Variants in PKHD1 observed in about 807,000 individuals in gnomAD.
PKHD1 encodes the protein fibrocystin.
Under a neutral mutation model 412.0 loss-of-function variants are expected in PKHD1, and 291 were observed. That is an observed-to-expected ratio of 0.71 (90% CI 0.64 to 0.78). The LOEUF (loss-of-function observed/expected upper bound fraction) is 0.78. Among genes scored for constraint, PKHD1 ranks in the 30% least tolerant of loss-of-function variants. The probability of loss-of-function intolerance (pLI) is 0.00; values close to 1 mark genes in which losing one functional copy is unlikely to be tolerated. For missense variants in PKHD1, 4,825 were observed against 4,950.7 expected (o/e 0.97, Z 0.76); for synonymous variants, 1,777 against 1,821.5 (o/e 0.98, Z 0.62).
intron 14 of PKHD1, among the ~76,000 whole-genome samples, chr6:52,061,306 A>G (rs1808633320): frequency 6.6e-6 from 1 of 151,976 alleles, no homozygotes; most frequent in Non-Finnish European, 1.5e-5. Flanking sequence ...TCTCCACTTC[A>G]GCCTCTCAAG....
At chr6:51,624,916 T>G (rs1331233565) in intron 66 of PKHD1, among the ~76,000 whole-genome samples, 4 of 152,164 alleles carry the variant, frequency 2.6e-5, no homozygotes, top group Non-Finnish European at 5.9e-5. Flanking sequence ...CTCTCCTGAT[T>G]CTCCAACTGA....
intron 43 of PKHD1, among the ~76,000 whole-genome samples, chr6:51,895,571 A>AT (rs200997405): frequency 0.012 from 1,846 of 151,398 alleles, 20 homozygotes; most frequent in Non-Finnish European, 0.019. Context: ...TATTAAATAC[A>AT]TTTTTTTTTG....
At chr6:51,736,613 T>C (rs1783884153) in intron 60 of PKHD1, among the ~76,000 whole-genome samples, 1 of 152,194 alleles carries the variant, frequency 6.6e-6, no homozygotes, top group Non-Finnish European at 1.5e-5. Flanking sequence ...AAGAGCTATA[T>C]ACCAAGCTTC....
chr6:51,864,773 AT>A (rs918305140), intron 48 of PKHD1, among the ~76,000 whole-genome samples: 3 of 152,208 alleles, frequency 2.0e-5, no homozygotes, highest in African/African-American at 7.2e-5. Context: ...TAAACAAATT[AT>A]TGAGATATTT....
At chr6:51,904,393 G>A (rs1016990883) in intron 41 of PKHD1, among the ~76,000 whole-genome samples, 16 of 152,078 alleles carry the variant, frequency 1.1e-4, no homozygotes, top group Non-Finnish European at 2.4e-4. Context: ...CCTTCCCTTG[G>A]AAGATCTGAA....
At chr6:51,780,217 C>T (rs7454435) in intron 53 of PKHD1, among the ~76,000 whole-genome samples, 2 of 151,824 alleles carry the variant, frequency 1.3e-5, no homozygotes, top group Admixed American at 6.6e-5. Context: ...GAAACCTTGT[C>T]TCTACTAAAA....
At chr6:51,704,398 C>A (rs1034792906) in intron 60 of PKHD1, among the ~76,000 whole-genome samples, 12 of 152,054 alleles carry the variant, frequency 7.9e-5, no homozygotes, top group African/African-American at 2.4e-4. Context: ...GAAGCCAGTA[C>A]AAGTTTTATA....
chr6:51,908,240 G>C (rs747200055), intron 40 of PKHD1, among the ~76,000 whole-genome samples: 1 of 152,172 alleles, frequency 6.6e-6, no homozygotes, highest in Non-Finnish European at 1.5e-5. Context: ...TTAGCATGCA[G>C]ATAATTTGAA....
chr6:52,057,820 T>C (rs1004055418), intron 16 of PKHD1, among the ~76,000 whole-genome samples: 2 of 152,216 alleles, frequency 1.3e-5, no homozygotes, highest in African/African-American at 4.8e-5. Context: ...GAGTTCATAT[T>C]GATTTGTCTT....
intron 51 of PKHD1, among the ~76,000 whole-genome samples, chr6:51,832,174 C>G (rs1464816630): frequency 6.6e-6 from 1 of 152,110 alleles, no homozygotes; most frequent in Non-Finnish European, 1.5e-5. Flanking sequence ...GATAAAAACT[C>G]TACACAGGCA....
At chr6:51,846,963 C>T (rs947562279) in intron 50 of PKHD1, among the ~76,000 whole-genome samples, 3 of 151,820 alleles carry the variant, frequency 2.0e-5, no homozygotes, top group South Asian at 2.1e-4. Flanking sequence ...TTTTCTCTTT[C>T]TTTTTTTTAT....
At chr6:52,020,005 AATT>A (rs1801166795) in intron 33 of PKHD1, among the ~76,000 whole-genome samples, 1 of 152,192 alleles carries the variant, frequency 6.6e-6, no homozygotes, top group African/African-American at 2.4e-5. Flanking sequence ...ACAAAACAAT[AATT>A]AAGAACGTTT....
chr6:51,641,528 C>A (rs1425467050), intron 63 of PKHD1, among the ~76,000 whole-genome samples: 1 of 152,194 alleles, frequency 6.6e-6, no homozygotes, highest in Non-Finnish European at 1.5e-5. Flanking sequence ...TTTGACCCAG[C>A]AATCCCATTA....
intron 46 of PKHD1, 29 bp downstream of exon 46, chr6:51,883,064 G>T: frequency 1.3e-6 from 2 of 1,596,556 alleles, no homozygotes; most frequent in Non-Finnish European, 1.7e-6. Context: ...GTGATTGACA[G>T]CCTAAAACAA....
chr6:51,989,959 A>AGAAGGAAGGAAGGAAGGAAGGAAG (rs769016813), intron 35 of PKHD1, among the ~76,000 whole-genome samples: 1 of 36,542 alleles, frequency 2.7e-5, no homozygotes, highest in African/African-American at 1.1e-4. Flanking sequence ...AAGGAAGGAA[A>AGAAGGAAGGAAGGAAGGAAGGAAG]GAAGGAAGGA....
intron 35 of PKHD1, among the ~76,000 whole-genome samples, chr6:52,001,620 A>T (rs546106714): frequency 6.6e-6 from 1 of 152,066 alleles, no homozygotes; most frequent in South Asian, 2.1e-4. Context: ...TTTAGTAGAG[A>T]CGGGGTTTCA....
chr6:52,060,504 T>C (rs564175252), intron 14 of PKHD1, among the ~76,000 whole-genome samples: 59 of 152,364 alleles, frequency 3.9e-4, no homozygotes, highest in African/African-American at 1.4e-3. Context: ...GATCCACAGA[T>C]AAGCGTCAAT....
At chr6:52,006,494 A>C (rs182842105) in intron 35 of PKHD1, among the ~76,000 whole-genome samples, 3 of 152,070 alleles carry the variant, frequency 2.0e-5, no homozygotes, top group African/African-American at 7.2e-5. Context: ...CCCCTGTCTC[A>C]GCCTCCCAAG....
chr6:51,953,978 C>T (rs1790749992), intron 36 of PKHD1, among the ~76,000 whole-genome samples: 1 of 152,064 alleles, frequency 6.6e-6, no homozygotes, highest in African/African-American at 2.4e-5. Context: ...CTGAAGATAA[C>T]AGAAGCAAAA....
Sources: allele counts gnomAD v4.1 joint callset (sites outside exome capture counted in the v4.1 genomes callset), GRCh38; gene constraint gnomAD v4.1.1; transcripts MANE v1.5; gene names NCBI Gene and HGNC (gene_info 2026-07-23, HGNC 2026-07-21).